ZNF292: variants seen among roughly 807,000 people sequenced by gnomAD.
ZNF292 encodes 16 zinc-finger domain protein.
Under a neutral mutation model 217.9 loss-of-function variants are expected in ZNF292, and 26 were observed. That is an observed-to-expected ratio of 0.12 (90% confidence interval 0.09 to 0.17). The LOEUF is 0.17. Ranked by LOEUF, ZNF292 falls within the 10% of genes least tolerant of loss-of-function variation. The pLI, the probability that ZNF292 is intolerant of heterozygous loss-of-function variation, is 1.00. For synonymous variants in ZNF292, 1,257 were observed against 1,124.1 expected, an observed-to-expected ratio of 1.12 and a Z score of -2.37; for missense variants, 2,904 against 3,175.2, an observed-to-expected ratio of 0.91 and a Z score of 2.05.
At chr6:87,177,611 G>A (rs1771344475) in intron 1 of ZNF292, among the ~76,000 whole-genome samples, 1 of 152,128 alleles carries the variant, frequency 6.6e-6, no homozygotes, top group African/African-American at 2.4e-5. Context: ...CCAAAGCACA[G>A]ATACCATATT....
At chr6:87,251,434 G>A (rs1179889494) in intron 7 of ZNF292, among the ~76,000 whole-genome samples, 4 of 152,196 alleles carry the variant, frequency 2.6e-5, no homozygotes, top group African/African-American at 9.7e-5. Flanking sequence ...AACAGAAAAG[G>A]CAATGGGAAG....
intron 1 of ZNF292, among the ~76,000 whole-genome samples, chr6:87,163,896 T>C (rs774130519): frequency 6.6e-6 from 1 of 152,134 alleles, no homozygotes; most frequent in Non-Finnish European, 1.5e-5. Context: ...AGACTAAGAC[T>C]TTAGGATGCC....
chr6:87,233,461 T>C lies in ZNF292; in HGVS notation c.675T>C (p.Gly225=), dbSNP rs752527655. ...ACCATCCAGAGATTGGCATAAAAGG[T>C]AGTTTTAAGCAAACTTACCTTGTCT... is the stretch of plus-strand genomic sequence containing the variant. The part of the protein sequence containing the change: ...CSDHPEIGIK[G]SFKQTYLVCL... Residue 225 remains glycine (G), a synonymous_variant, in exon 5 of 8, where the codon GGT becomes GGC. Transcript: ENST00000369577. 5 of 1,613,584 alleles carry C rather than the reference T, an allele frequency of 3.1e-6. No homozygotes were observed. The highest frequency in any genetic ancestry group is 1.3e-5 in the African/African-American group (1 of 75,038).
At chr6:87,218,252 CTT>C (rs1157467513) in intron 3 of ZNF292, among the ~76,000 whole-genome samples, 1 of 152,002 alleles carries the variant, frequency 6.6e-6, no homozygotes, top group African/African-American at 2.4e-5. Flanking sequence ...TGGGGGAAAA[CTT>C]TTTTAAACAC....
At chr6:87,155,781 C>T in intron 1 of ZNF292, 22 bp downstream of exon 1, 3 of 1,569,580 alleles carry the variant, frequency 1.9e-6, no homozygotes, top group Non-Finnish European at 1.7e-6. Context: ...CGGTGGTCCC[C>T]TCCCCCTTTC....
At chr6:87,243,071 G>A (rs1357652422) in intron 5 of ZNF292, among the ~76,000 whole-genome samples, 1 of 151,876 alleles carries the variant, frequency 6.6e-6, no homozygotes, top group African/African-American at 2.4e-5. Context: ...TGATTCTAAT[G>A]CTTGTTTAAA....
In ZNF292 at chr6:87,258,676, G is replaced by A; in HGVS notation, c.5047G>A (p.Val1683Met). Residue 1683 changes from valine (V) to methionine (M), a missense_variant, in exon 8 of 8, where the codon GTG becomes ATG. Val to Met is a conservative substitution (Grantham distance 21, BLOSUM62 1). Coordinates refer to ENST00000369577, the MANE Select transcript of ZNF292 (RefSeq NM_015021.3). ...VIPTCEPQSL[V>M]ENLTQKLNNV... ...TCCAACTTGTGAACCTCAGAGTTTG[G>A]TGGAAAATCTAACACAGAAATTAAA... The A allele has an allele frequency of 6.2e-7, 1 of 1,613,460 alleles. No homozygotes were observed. The highest frequency in any genetic ancestry group is 8.5e-7 in the Non-Finnish European group (1 of 1,179,674).
chr6:87,177,439 C>G (rs1009143468), intron 1 of ZNF292, among the ~76,000 whole-genome samples: 5 of 152,008 alleles, frequency 3.3e-5, no homozygotes, highest in African/African-American at 1.2e-4. Context: ...TTCTTGTATC[C>G]TTTGCTGCTT....
At chr6:87,240,212 C>T (rs953542954) in intron 5 of ZNF292, among the ~76,000 whole-genome samples, 9 of 152,282 alleles carry the variant, frequency 5.9e-5, no homozygotes, top group African/African-American at 1.7e-4. Flanking sequence ...ACCAGTCAGG[C>T]GTGGCGGCAT....
At chr6:87,183,205 T>C (rs1771522443) in intron 1 of ZNF292, among the ~76,000 whole-genome samples, 1 of 152,130 alleles carries the variant, frequency 6.6e-6, no homozygotes, top group Non-Finnish European at 1.5e-5. Flanking sequence ...TCAGTAAGGG[T>C]GTTAAGTACT....
Position 87,255,673 on chromosome 6 carries a change from A to C in ZNF292, c.2044A>C (p.Asn682His). The change falls in exon 8 of 8, where the codon AAT (asparagine) becomes CAT (histidine). Residue 682 changes from asparagine to histidine, a missense_variant. Physicochemically the swap from Asn to His is moderately conservative, Grantham distance 68 (BLOSUM62 1). Around this residue, in one of 15 missense-constraint regions of ZNF292, gnomAD observed 216 missense variants for 308.3 expected, o/e 0.70. Transcript: ENST00000369577. ...GAAACCAGTACCTGTTAATGAATTT[A>C]ATTGCCCTGTAACTTTTTGTAAAAA... is the stretch of plus-strand genomic sequence containing the variant. ...VQKPVPVNEF[N>H]CPVTFCKKGF... The C allele has an allele frequency of 1.2e-6, 2 of 1,613,390 alleles. No individual in the cohort carries two copies. Among genetic ancestry groups the C allele is most frequent in the Non-Finnish European group, 1.7e-6 (2 of 1,179,638 alleles).
intron 1 of ZNF292, among the ~76,000 whole-genome samples, chr6:87,165,423 G>A (rs1170359797): frequency 6.6e-6 from 1 of 152,028 alleles, no homozygotes; most frequent in Non-Finnish European, 1.5e-5. Flanking sequence ...TCAGATAAGG[G>A]ATACTCACCC....
intron 4 of ZNF292, among the ~76,000 whole-genome samples, chr6:87,228,121 G>A (rs573895758): frequency 1.1e-4 from 17 of 151,912 alleles, no homozygotes; most frequent in African/African-American, 3.6e-4. Flanking sequence ...TGTTTTTTTC[G>A]TAGTAGTCAT....
intron 1 of ZNF292, among the ~76,000 whole-genome samples, chr6:87,193,324 C>T (rs1000308177): frequency 3.3e-5 from 5 of 152,052 alleles, no homozygotes; most frequent in Admixed American, 6.6e-5. Flanking sequence ...GCAGACAGAT[C>T]GCTTGAGCTC....
At chr6:87,230,715 CAG>C (rs1340820107) in intron 4 of ZNF292, among the ~76,000 whole-genome samples, 2 of 148,624 alleles carry the variant, frequency 1.3e-5, no homozygotes, top group Admixed American at 6.7e-5. Context: ...ACCTGGGTGA[CAG>C]AGAGAGACTC....
At chr6:87,228,837 A>G (rs751366211) in intron 4 of ZNF292, among the ~76,000 whole-genome samples, 1 of 152,148 alleles carries the variant, frequency 6.6e-6, no homozygotes, top group Non-Finnish European at 1.5e-5. Flanking sequence ...GAGCTCTGTA[A>G]TACATCTCAA....
intron 1 of ZNF292, among the ~76,000 whole-genome samples, chr6:87,200,778 T>C (rs1445567154): frequency 6.6e-6 from 1 of 152,186 alleles, no homozygotes; most frequent in Non-Finnish European, 1.5e-5. Flanking sequence ...AGCATCCATA[T>C]TGGAGATTAT....
Position 87,243,522 on chromosome 6 carries a change from A to G in ZNF292, c.789A>G (p.Leu263=), listed in dbSNP as rs1374851731. The G allele has an allele frequency of 1.0e-5, 16 of 1,556,340 alleles. No individual in the cohort carries two copies. The highest frequency in any genetic ancestry group is 3.3e-4 in the Middle Eastern group (2 of 5,992). The change falls in exon 6 of 8, where the codon TTA becomes TTG. Residue 263 remains leucine (L), a synonymous_variant. Transcript: ENST00000369577. ...CKDALEMICN[L]ESEGDEKSAL... ...ATGCACTGGAAATGATCTGTAACTT[A>G]GAATCTGAGGGTGATGAAAAAAGCG... is the stretch of plus-strand genomic sequence containing the variant.
In ZNF292 at chr6:87,259,195, C is replaced by G; in HGVS notation, c.5566C>G (p.Pro1856Ala). ...AAAATTAGAAAATGACCTATCCACT[C>G]CAGCATCCCAATGTGTACTGATAAA... ...KLKLENDLST[P>A]ASQCVLINTS... is the part of the protein sequence containing the mutation. Residue 1856 changes from proline (P) to alanine (A), a missense_variant, in exon 8 of 8, where the codon CCA becomes GCA. Transcript: ENST00000369577. The G allele has an allele frequency of 6.2e-7, 1 of 1,613,690 alleles. No homozygotes were observed. The highest frequency in any genetic ancestry group is 1.1e-5 in the South Asian group (1 of 91,082).
Sources: allele counts gnomAD v4.1 joint callset (sites outside exome capture counted in the v4.1 genomes callset), GRCh38; gene constraint gnomAD v4.1.1; regional missense constraint gnomAD v4.1.1; transcripts MANE v1.5; gene names NCBI Gene and HGNC (gene_info 2026-07-23, HGNC 2026-07-21).